GSTA4: variants seen among roughly 807,000 people sequenced by gnomAD.
GSTA4 encodes glutathione S-transferase A4.
A neutral mutation model predicts 24.4 loss-of-function variants in GSTA4; 15 were observed. The observed-to-expected ratio is 0.61, with a 90% CI of 0.41 to 0.95. GSTA4 has a LOEUF of 0.95. Among genes scored for constraint, GSTA4 ranks in the 40% least tolerant of loss-of-function variants. The pLI is 0.00. For synonymous variants in GSTA4, 92 were observed against 94.2 expected, an observed-to-expected ratio of 0.98 and a Z score of 0.13; for missense variants, 244 against 262.1, an observed-to-expected ratio of 0.93 and a Z score of 0.48.
At position 52,978,565 on chromosome 6, in the gene GSTA4, G is replaced by A. The variant is rs1232658991; in HGVS notation, c.574C>T (p.Pro192Ser). The A allele has an allele frequency of 6.2e-7, 1 of 1,609,742 alleles. No homozygotes were observed. Among genetic ancestry groups the A allele is most frequent in the Non-Finnish European group, 8.5e-7 (1 of 1,177,246 alleles). ...QEYTVKLSNI[P>S]TIKRFLEPGS... ...GGTTCAAGGAATCTCTTAATTGTAG[G>A]GATATTACTTAGTTTCACTGTGTAT... is the stretch of plus-strand genomic sequence containing the variant. Residue 192 changes from proline (P) to serine (S), a missense_variant, in exon 7 of 7, where the codon CCT (proline) becomes TCT (serine). Transcript: ENST00000370963.
At chr6:52,987,230 G>C in intron 3 of GSTA4, 127 bp downstream of exon 3, 1 of 647,976 alleles carries the variant, frequency 1.5e-6, no homozygotes, top group South Asian at 2.0e-5. Context: ...ATTCCCTCTT[G>C]CTTTTTTTGG....
At chr6:52,985,983 G>A (rs1257349517) in intron 3 of GSTA4, among the ~76,000 whole-genome samples, 4 of 152,062 alleles carry the variant, frequency 2.6e-5, no homozygotes, top group Non-Finnish European at 2.9e-5. Flanking sequence ...CCCGGGAGGC[G>A]GAGGTTGCAA....
chr6:52,991,316 T>C (rs1763657049), intron 2 of GSTA4, among the ~76,000 whole-genome samples: 1 of 152,168 alleles, frequency 6.6e-6, no homozygotes, highest in Non-Finnish European at 1.5e-5. Context: ...TGATGATCAA[T>C]AGCTAGTAAA....
chr6:52,984,410 CT>C (rs1463023085), intron 5 of GSTA4, 53 bp downstream of exon 5: 1 of 1,541,184 alleles, frequency 6.5e-7, no homozygotes, highest in African/African-American at 1.4e-5. Context: ...GTGGCAGCTT[CT>C]TTGTGGTTTG....
chr6:52,991,331 C>A (rs564320664), intron 2 of GSTA4, among the ~76,000 whole-genome samples: 1 of 152,118 alleles, frequency 6.6e-6, no homozygotes, highest in East Asian at 1.9e-4. Context: ...AGTAAAACCA[C>A]AAGTTGAAAA....
chr6:52,987,229 T>C (rs1763578741), intron 3 of GSTA4, 128 bp downstream of exon 3: 1 of 649,616 alleles, frequency 1.5e-6, no homozygotes, highest in Non-Finnish European at 2.7e-6. Context: ...TATTCCCTCT[T>C]GCTTTTTTTG....
chr6:52,985,333 TC>T, intron 4 of GSTA4, 117 bp downstream of exon 4: 1 of 935,438 alleles, frequency 1.1e-6, no homozygotes, highest in Non-Finnish European at 1.6e-6. Flanking sequence ...GGGTTTTTGT[TC>T]CCTGATCTCA....
chr6:52,984,444 T>C lies in GSTA4; in HGVS notation c.414+20A>G. The C allele has an allele frequency of 6.2e-7, 1 of 1,607,624 alleles. No homozygotes were observed. Among genetic ancestry groups the C allele is most frequent in the Non-Finnish European group, 8.5e-7 (1 of 1,176,774 alleles). ...TTGTGGTTTGGTTGCTCTGTGTATG[T>C]AGGCATCTCTGCCACCTACCTTTTC... On this transcript the variant is annotated intron_variant, in intron 5 of 6. Transcript: ENST00000370963.
chr6:52,986,124 CCA>C (rs954104864), intron 3 of GSTA4, among the ~76,000 whole-genome samples: 1 of 152,150 alleles, frequency 6.6e-6, no homozygotes, highest in Admixed American at 6.5e-5. Flanking sequence ...AAATACCTAT[CCA>C]CAGTGATAAG....
At chr6:52,980,951 C>T (rs1189587028) in intron 6 of GSTA4, among the ~76,000 whole-genome samples, 1 of 152,198 alleles carries the variant, frequency 6.6e-6, no homozygotes, top group Non-Finnish European at 1.5e-5. Context: ...TGGCACTCAA[C>T]AAGTTGCAGA....
At chr6:52,986,533 A>G (rs1482148456) in intron 3 of GSTA4, among the ~76,000 whole-genome samples, 2 of 152,166 alleles carry the variant, frequency 1.3e-5, no homozygotes, top group Admixed American at 6.5e-5. Context: ...AAAACAACCC[A>G]TTGTTTTATT....
chr6:52,984,699 T>TC, intron 4 of GSTA4, 94 bp from the exon 5 acceptor site: 1 of 995,036 alleles, frequency 1.0e-6, no homozygotes, highest in Non-Finnish European at 1.5e-6. Flanking sequence ...TTTTTTTTTT[T>TC]AAAGATGCTG....
At chr6:52,982,784 G>T in intron 5 of GSTA4, 79 bp from the exon 6 acceptor site, 2 of 1,077,420 alleles carry the variant, frequency 1.9e-6, no homozygotes, top group Non-Finnish European at 2.8e-6. Context: ...TGCAGTATCT[G>T]AGAAGAGGTG....
intron 3 of GSTA4, among the ~76,000 whole-genome samples, chr6:52,986,185 A>C (rs1184406244): frequency 6.6e-6 from 1 of 152,240 alleles, no homozygotes; most frequent in Non-Finnish European, 1.5e-5. Context: ...TACACTGGCC[A>C]ATACAGCAGT....
intron 2 of GSTA4, among the ~76,000 whole-genome samples, chr6:52,989,794 T>C (rs1457613303): frequency 6.6e-6 from 1 of 152,238 alleles, no homozygotes; most frequent in African/African-American, 2.4e-5. Context: ...CCCTGGATAT[T>C]TGTACTACAA....
At chr6:52,991,197 A>G (rs1356906955) in intron 2 of GSTA4, among the ~76,000 whole-genome samples, 1 of 152,266 alleles carries the variant, frequency 6.6e-6, no homozygotes, top group Non-Finnish European at 1.5e-5. Context: ...TAAAGTAATT[A>G]AATAGTTAAT....
At chr6:52,990,129 T>C (rs1276412270) in intron 2 of GSTA4, among the ~76,000 whole-genome samples, 2 of 152,176 alleles carry the variant, frequency 1.3e-5, no homozygotes, top group African/African-American at 4.8e-5. Context: ...TAAGGGGTCT[T>C]CGGGCAAGTA....
chr6:52,994,294 C>A, intron 1 of GSTA4, 33 bp from the exon 2 acceptor site: 1 of 1,197,994 alleles, frequency 8.3e-7, no homozygotes, highest in Non-Finnish European at 1.2e-6. Flanking sequence ...CGTCGCAGAC[C>A]AACAGTCCCA....
chr6:52,989,760 G>A (rs903411686), intron 2 of GSTA4, among the ~76,000 whole-genome samples: 2 of 152,356 alleles, frequency 1.3e-5, no homozygotes, highest in Middle Eastern at 3.4e-3. Flanking sequence ...TTGTCTCTCA[G>A]ATAGATTCAG....
Sources: allele counts gnomAD v4.1 joint callset (sites outside exome capture counted in the v4.1 genomes callset), GRCh38; gene constraint gnomAD v4.1.1; transcripts MANE v1.5; gene names NCBI Gene and HGNC (gene_info 2026-07-23, HGNC 2026-07-21).